Variants in CDH12 observed in about 807,000 individuals in gnomAD.
CDH12 encodes cadherin 12.
A neutral mutation model predicts 74.1 loss-of-function variants in CDH12; 41 were observed. The ratio of observed to expected loss-of-function variants is 0.55; its 90% CI spans 0.43 to 0.72. The LOEUF (loss-of-function observed/expected upper bound fraction) is 0.72. Among genes scored for constraint, CDH12 ranks in the 30% least tolerant of loss-of-function variants. The pLI is 0.00. For synonymous variants in CDH12, 399 were observed against 355.0 expected, an observed-to-expected ratio of 1.12 and a Z score of -1.39; for missense variants, 945 against 977.2, an observed-to-expected ratio of 0.97 and a Z score of 0.44.
At chr5:22,569,668 T>G (rs191389043) in intron 1 of CDH12, among the ~76,000 whole-genome samples, 1 of 152,318 alleles carries the variant, frequency 6.6e-6, no homozygotes, top group Admixed American at 6.5e-5. Context: ...ACCATTTTAT[T>G]AGATTATCCA....
intron 3 of CDH12, among the ~76,000 whole-genome samples, chr5:22,245,235 A>G (rs1752906263): frequency 6.6e-6 from 1 of 152,188 alleles, no homozygotes; most frequent in Non-Finnish European, 1.5e-5. Flanking sequence ...AAAAATTATG[A>G]ACATTTAGGA....
At chr5:22,325,242 A>G (rs6452078) in intron 3 of CDH12, among the ~76,000 whole-genome samples, 145,294 of 152,172 alleles carry the variant, frequency 0.95, 69,416 homozygotes, top group Non-Finnish European at 0.97. Flanking sequence ...TCCTTTGATT[A>G]CACTAAAATC....
chr5:22,551,322 G>T (rs574502008), intron 1 of CDH12, among the ~76,000 whole-genome samples: 1 of 152,210 alleles, frequency 6.6e-6, no homozygotes, highest in South Asian at 2.1e-4. Flanking sequence ...TGAGTCTCCA[G>T]AACTGAAAGA....
chr5:22,693,442 G>C (rs1044342874), intron 1 of CDH12, among the ~76,000 whole-genome samples: 7 of 152,162 alleles, frequency 4.6e-5, no homozygotes, highest in Admixed American at 2.0e-4. Context: ...AAAGGAGGAA[G>C]TAAGAGAGAA....
chr5:22,571,842 G>A (rs10462228), intron 1 of CDH12, among the ~76,000 whole-genome samples: 24,841 of 152,020 alleles, frequency 0.16, 2,580 homozygotes, highest in East Asian at 0.37. Flanking sequence ...TTGCCATACC[G>A]TGGGCATGGT....
chr5:22,415,501 T>C (rs115972432), intron 2 of CDH12, among the ~76,000 whole-genome samples: 1,544 of 152,358 alleles, frequency 0.01, 10 homozygotes, highest in Non-Finnish European at 0.013. Context: ...CTTGAAAAGT[T>C]CTTACATAGT....
chr5:22,129,787 C>G (rs968251384), intron 4 of CDH12, among the ~76,000 whole-genome samples: 1 of 151,874 alleles, frequency 6.6e-6, no homozygotes, highest in African/African-American at 2.4e-5. Flanking sequence ...TATTACTTAG[C>G]AACAGTGTGT....
chr5:22,078,780 T>C lies in CDH12; in HGVS notation c.-104A>G. On this transcript the variant is annotated 5_prime_UTR_variant, in exon 5 of 15. Transcript: ENST00000382254. ...CTGTGGCCTCCACCACTTAGCTTCT[T>C]GTTTTATTGCAGAAATGATGATGCA... The C allele has an allele frequency of 1.3e-6, 2 of 1,493,222 alleles. No homozygotes were observed. Among genetic ancestry groups the C allele is most frequent in the South Asian group, 2.7e-5 (2 of 73,506 alleles). The allele number at this position is 1,493,222 out of a possible 1,614,324, so 92.5% of individuals were successfully genotyped here.
intron 6 of CDH12, among the ~76,000 whole-genome samples, chr5:21,909,108 T>A (rs995499712): frequency 2.6e-5 from 4 of 152,168 alleles, no homozygotes; most frequent in Non-Finnish European, 4.4e-5. Flanking sequence ...TAATTTAGAC[T>A]GCACCTGTCT....
At chr5:22,249,154 A>G (rs1253962716) in intron 3 of CDH12, among the ~76,000 whole-genome samples, 2 of 152,226 alleles carry the variant, frequency 1.3e-5, no homozygotes, top group African/African-American at 4.8e-5. Context: ...GAAAAAAATG[A>G]CAAAAGTATC....
At chr5:22,065,941 T>C (rs1400262575) in intron 5 of CDH12, among the ~76,000 whole-genome samples, 1 of 152,124 alleles carries the variant, frequency 6.6e-6, no homozygotes, top group Non-Finnish European at 1.5e-5. Context: ...AGGAAGCCTA[T>C]TAAATTATTA....
intron 4 of CDH12, among the ~76,000 whole-genome samples, chr5:22,099,712 A>G (rs1208516682): frequency 6.6e-6 from 1 of 152,148 alleles, no homozygotes. Flanking sequence ...GCTACCCCCA[A>G]ACTGCCACTC....
chr5:22,132,934 T>C (rs930505139), intron 4 of CDH12, among the ~76,000 whole-genome samples: 1 of 152,100 alleles, frequency 6.6e-6, no homozygotes, highest in African/African-American at 2.4e-5. Flanking sequence ...TGATCAAACA[T>C]GTTTTGTTTT....
chr5:22,058,492 A>T (rs1420686399), intron 5 of CDH12, among the ~76,000 whole-genome samples: 4 of 151,954 alleles, frequency 2.6e-5, no homozygotes, highest in African/African-American at 9.7e-5. Flanking sequence ...TATATTGAAA[A>T]TTTTTTGGAA....
chr5:22,309,959 A>C (rs1185338492), intron 3 of CDH12, among the ~76,000 whole-genome samples: 4 of 120,700 alleles, frequency 3.3e-5, no homozygotes, highest in East Asian at 2.8e-4. Flanking sequence ...AAAAAAAAAA[A>C]CATGGACACG....
Position 22,368,295 on chromosome 5 carries a change from T to C in CDH12, c.-333+36962A>G, listed in dbSNP as rs1327776699. The stretch of plus-strand genomic sequence containing the variant: ...GTATTAATATTTTTATTGATTTTAA[T>C]TAATTTTATGTTATTGTTTTTAAAA... On this transcript the variant is annotated intron_variant, in intron 3 of 14. Coordinates refer to ENST00000382254, the MANE Select transcript of CDH12 (RefSeq NM_004061.5). 2.6e-5 allele frequency among the ~76,000 whole-genome samples: 4 copies of C among 152,060 alleles called. No homozygotes were observed. The East Asian group carries it at 7.7e-4, about 29-fold the overall frequency.
At chr5:22,117,994 A>G (rs1167463856) in intron 4 of CDH12, among the ~76,000 whole-genome samples, 1 of 152,180 alleles carries the variant, frequency 6.6e-6, no homozygotes, top group African/African-American at 2.4e-5. Context: ...GCACACTCGT[A>G]TATGAAGAAA....
chr5:22,270,590 G>A (rs199936096), intron 3 of CDH12, among the ~76,000 whole-genome samples: 52 of 101,266 alleles, frequency 5.1e-4, no homozygotes, highest in African/African-American at 1.5e-3. Context: ...GTGAGACACC[G>A]TCTCAAAAAA....
Position 22,730,193 on chromosome 5 carries a change from C to T in CDH12, c.-523+122865G>A, listed in dbSNP as rs187074853. Among the ~76,000 whole-genome samples, 51 of 151,694 alleles carry T rather than the reference C, an allele frequency of 3.4e-4. 1 individual carries two copies. The highest frequency in any genetic ancestry group is 3.9e-4 in the East Asian group (2 of 5,140). On this transcript the variant is annotated intron_variant, in intron 1 of 14. Transcript: ENST00000382254. ...TTAAATAAAATGAAAACAACAACAACGACAACAACAACAAAAACCCAGCAA... is the reference window on the plus strand; with the variant it reads ...TTAAATAAAATGAAAACAACAACAATGACAACAACAACAAAAACCCAGCAA...
Sources: gnomAD v4.1 joint callset for allele counts (sites outside exome capture counted in the v4.1 genomes callset) on GRCh38, gnomAD v4.1.1 for gene constraint, MANE v1.5 for transcripts, NCBI Gene and HGNC (gene_info 2026-07-23, HGNC 2026-07-21) for gene names.